The following DNAL4 variants were observed in gnomAD, a reference collection of about 807,000 sequenced individuals.
DNAL4 encodes dynein axonemal light chain 4.
A neutral mutation model predicts 12.6 loss-of-function variants in DNAL4; 10 were observed. The ratio of observed to expected loss-of-function variants is 0.79; its 90% CI spans 0.49 to 1.34. DNAL4 has a LOEUF of 1.34. Ranked by LOEUF, DNAL4 falls within the 40% of genes most tolerant of loss-of-function variation. The pLI, the probability that DNAL4 is intolerant of heterozygous loss-of-function variation, is 0.00. For synonymous variants in DNAL4, 46 were observed against 53.1 expected (o/e 0.87, Z 0.58); for missense variants, 128 against 138.1 (o/e 0.93, Z 0.37).
At chr22:38,788,450 T>C (rs1013391985) in intron 1 of DNAL4, among the ~76,000 whole-genome samples, 1 of 152,094 alleles carries the variant, frequency 6.6e-6, no homozygotes, top group Non-Finnish European at 1.5e-5. Context: ...AAACTTAATG[T>C]GCCTGGGACT....
chr22:38,785,839 T>A (rs1452936110), intron 1 of DNAL4: 1 of 152,252 alleles, frequency 6.6e-6, no homozygotes, highest in Non-Finnish European at 1.5e-5. Flanking sequence ...TATGTGTATG[T>A]GAGCGATTTG....
At chr22:38,783,283 T>TACACGGGCCTTCCCTCCCACTACAC (rs1569317517) in intron 1 of DNAL4, among the ~76,000 whole-genome samples, 2 of 127,458 alleles carry the variant, frequency 1.6e-5, no homozygotes, top group African/African-American at 6.3e-5. Flanking sequence ...TCCCACTACA[T>TACACGGGCCTTCCCTCCCACTACAC]ACACGGGCCT....
In DNAL4 at chr22:38,784,897, G is replaced by A. The variant is rs558840034; in HGVS notation, c.-139-2027C>T. Among the ~76,000 whole-genome samples, 10 of 151,934 alleles carry A rather than the reference G, an allele frequency of 6.6e-5. No homozygotes were observed. The East Asian group carries it at 1.9e-3, about 30-fold the overall frequency. ...GGCACTCTTTCTGGGCTGTGCTCTTGATTTGATCCCCGCTCCAATGACTCG... is the reference window on the plus strand; with the variant it reads ...GGCACTCTTTCTGGGCTGTGCTCTTAATTTGATCCCCGCTCCAATGACTCG... On this transcript the variant is annotated intron_variant, in intron 1 of 3. Coordinates refer to ENST00000216068, the MANE Select transcript of DNAL4 (RefSeq NM_005740.3).
chr22:38,781,895 C>T (rs953559340), intron 2 of DNAL4, among the ~76,000 whole-genome samples: 8 of 152,340 alleles, frequency 5.3e-5, no homozygotes, highest in South Asian at 2.1e-4. Flanking sequence ...GCCTCCACAG[C>T]GGCCTCCTCG....
In DNAL4 at chr22:38,779,544, C is replaced by G. The variant is rs562794909; in HGVS notation, c.223G>C (p.Glu75Gln). The stretch of plus-strand genomic sequence containing the variant: ...TGGGTGATCTCAAACCCAAAGCCCT[C>G]GCCGATCACCACGTGCCAGGAGGAG... The part of the protein sequence containing the change: ...FGSSWHVVIG[E>Q]GFGFEITHEV... Residue 75 changes from glutamate to glutamine, a missense_variant, in exon 4 of 4, where the codon GAG becomes CAG. Coordinates refer to ENST00000216068, the MANE Select transcript of DNAL4 (RefSeq NM_005740.3). The surrounding 1 kb of genome is among the most constrained non-coding windows in gnomAD (Gnocchi z 4.3). 6.3e-7 allele frequency: 1 copy of G among 1,589,904 alleles called. No homozygotes were observed. The highest frequency in any genetic ancestry group is 1.1e-5 in the South Asian group (1 of 87,554).
chr22:38,792,581 G>C (rs1219656563), intron 1 of DNAL4, among the ~76,000 whole-genome samples: 2 of 152,218 alleles, frequency 1.3e-5, no homozygotes, highest in Admixed American at 6.5e-5. Flanking sequence ...ACCGCTCCTG[G>C]CCTTTATTTT....
intron 1 of DNAL4, among the ~76,000 whole-genome samples, chr22:38,787,068 C>T (rs1366971461): frequency 6.6e-6 from 1 of 151,952 alleles, no homozygotes; most frequent in East Asian, 1.9e-4. Context: ...CACGGCTCGC[C>T]TCCCTGTACC....
At chr22:38,791,380 T>A (rs1004141712) in intron 1 of DNAL4, among the ~76,000 whole-genome samples, 2 of 151,926 alleles carry the variant, frequency 1.3e-5, no homozygotes, top group African/African-American at 4.8e-5. Context: ...TTGAGATGAA[T>A]CTTGCTCTTG....
rs368363800 is a variant in DNAL4, at chr22:38,780,760, G to A, written c.153+166C>T. On this transcript the variant is annotated intron_variant, in intron 3 of 3. Coordinates refer to ENST00000216068, the MANE Select transcript of DNAL4 (RefSeq NM_005740.3). ...GTGACCGTCAGTGCCTGGAGTCAGCGCCAGCCTCTCACTCACTGACTTTCC... is the reference window on the plus strand; with the variant it reads ...GTGACCGTCAGTGCCTGGAGTCAGCACCAGCCTCTCACTCACTGACTTTCC... 1.7e-3 allele frequency: 1,156 copies of A among 666,820 alleles called. 26 individuals carry two copies. The South Asian group carries it at 0.021, about 12-fold the overall frequency. 41.3% of individuals were successfully genotyped at this position (666,820 alleles called of 1,614,324 possible).
intron 1 of DNAL4, among the ~76,000 whole-genome samples, chr22:38,790,653 C>A (rs537983714): frequency 6.6e-6 from 1 of 152,194 alleles, no homozygotes; most frequent in African/African-American, 2.4e-5. Flanking sequence ...CACAGTCATG[C>A]GTTGCTTAAT....
At chr22:38,780,650 C>G (rs893845650) in intron 3 of DNAL4, 1 of 451,862 alleles carries the variant, frequency 2.2e-6, no homozygotes, top group Non-Finnish European at 4.0e-6. Flanking sequence ...GGGAAAGGCA[C>G]CCTATTCAGC....
intron 1 of DNAL4, among the ~76,000 whole-genome samples, chr22:38,788,600 GC>G (rs1043477671): frequency 6.6e-6 from 1 of 152,146 alleles, no homozygotes; most frequent in Non-Finnish European, 1.5e-5. Flanking sequence ...CAAGGACTTA[GC>G]CAGACTTGGA....
intron 1 of DNAL4, among the ~76,000 whole-genome samples, chr22:38,784,124 T>C (rs987935187): frequency 5.3e-5 from 8 of 152,230 alleles, no homozygotes; most frequent in African/African-American, 1.7e-4. Flanking sequence ...TGCACAGTCA[T>C]GGAACCCAAA....
intron 1 of DNAL4, chr22:38,786,013 C>T (rs779977687): frequency 3.3e-5 from 5 of 152,124 alleles, no homozygotes; most frequent in Non-Finnish European, 5.9e-5. Flanking sequence ...AGAGATGAGA[C>T]AGAATAAAAA....
chr22:38,781,896 G>A (rs924035805), intron 2 of DNAL4, among the ~76,000 whole-genome samples: 3 of 152,160 alleles, frequency 2.0e-5, no homozygotes, highest in East Asian at 1.9e-4. Flanking sequence ...CCTCCACAGC[G>A]GCCTCCTCGC....
Position 38,779,707 on chromosome 22 carries a change from C to T in DNAL4, c.154-94G>A. ...GGAAGGAGAAGGCTGGCACTGAGGT[C>T]TTGGCAAGAGAAAGGCCTGCTGTCC... On this transcript the variant is annotated intron_variant, in intron 3 of 3. Transcript: ENST00000216068. This position sits in a 1 kb window ranked among gnomAD's most constrained non-coding sequence, Gnocchi z 4.3. The T allele has an allele frequency of 6.9e-7, 1 of 1,449,346 alleles. No individual in the cohort carries two copies. The highest frequency in any genetic ancestry group is 1.8e-4 in the Middle Eastern group (1 of 5,538). 89.8% of individuals were successfully genotyped at this position (1,449,346 alleles called of 1,614,324 possible).
At chr22:38,780,681 C>T in intron 3 of DNAL4, 1 of 502,490 alleles carries the variant, frequency 2.0e-6, no homozygotes, top group Non-Finnish European at 3.6e-6. Flanking sequence ...AGGCAGGGAA[C>T]ATGGGCAGGG....
chr22:38,788,293 CT>C (rs779783527), intron 1 of DNAL4, among the ~76,000 whole-genome samples: 7 of 152,176 alleles, frequency 4.6e-5, no homozygotes, highest in Admixed American at 3.9e-4. Flanking sequence ...TAAAATTCTG[CT>C]GCAAAAGGGC....
rs112106258 is a variant in DNAL4, at chr22:38,779,628, G to T, written c.154-15C>A. On this transcript the variant is annotated splice_polypyrimidine_tract_variant and intron_variant, in intron 3 of 3. Transcript: ENST00000216068. The surrounding 1 kb of genome is among the most constrained non-coding windows in gnomAD (Gnocchi z 4.3). ...TTGGCGGCGCTCTGGAAGGAAGAGG[G>T]CACTTATCAAGGGGGCGCAGGGCAG... The T allele has an allele frequency of 1.9e-6, 3 of 1,590,558 alleles. No individual in the cohort carries two copies. The highest frequency in any genetic ancestry group is 2.6e-6 in the Non-Finnish European group (3 of 1,167,032).
Sources: gnomAD v4.1 joint callset for allele counts (sites outside exome capture counted in the v4.1 genomes callset) on GRCh38, gnomAD v4.1.1 for gene constraint, Gnocchi (gnomAD v3.1) non-coding constraint, MANE v1.5 for transcripts, NCBI Gene and HGNC (gene_info 2026-07-23, HGNC 2026-07-21) for gene names.